RAB6A: variants seen among roughly 807,000 people sequenced by gnomAD.
The protein encoded by RAB6A is RAB6A, member RAS oncogene family.
Under a neutral mutation model 32.3 loss-of-function variants are expected in RAB6A, and 8 were observed. That is an observed-to-expected ratio of 0.25 (90% CI 0.15 to 0.45). RAB6A has a LOEUF of 0.45. Ranked by LOEUF, RAB6A falls within the 20% of genes least tolerant of loss-of-function variation. RAB6A has a pLI of 1.00. For missense variants in RAB6A, 104 were observed against 249.4 expected (o/e 0.42, Z 3.93); for synonymous variants, 73 against 82.1 (o/e 0.89, Z 0.60).
intron 5 of RAB6A, among the ~76,000 whole-genome samples, chr11:73,714,303 T>C (rs1946018677): frequency 6.6e-6 from 1 of 151,148 alleles, no homozygotes. Context: ...AAAATCCTTA[T>C]AAGCATCCTC....
chr11:73,729,427 G>A (rs1946271833), intron 2 of RAB6A: 1 of 152,104 alleles, frequency 6.6e-6, no homozygotes, highest in Non-Finnish European at 1.5e-5. Context: ...ATGGTTGGTG[G>A]TAATATTCCC....
chr11:73,700,608 GT>G (rs1945727643), intron 6 of RAB6A, among the ~76,000 whole-genome samples: 3 of 72,170 alleles, frequency 4.2e-5, no homozygotes, highest in Admixed American at 1.4e-4. Context: ...AAGTGTGTGT[GT>G]GGGGGGGGGG....
chr11:73,725,639 G>A (rs748375884), intron 2 of RAB6A, among the ~76,000 whole-genome samples: 27 of 152,166 alleles, frequency 1.8e-4, no homozygotes, highest in South Asian at 1.0e-3. Flanking sequence ...TCATTACCAC[G>A]AGAACAGTAT....
intron 6 of RAB6A, among the ~76,000 whole-genome samples, chr11:73,705,803 A>AGAGAGAGAGAGAGAGAGAGAGAG (rs1945832018): frequency 6.9e-6 from 1 of 145,288 alleles, no homozygotes; most frequent in African/African-American, 2.5e-5. Flanking sequence ...AGAGAGAGAG[A>AGAGAGAGAGAGAGAGAGAGAGAG]TTTTCAATAT....
At chr11:73,740,008 G>A (rs908914833) in intron 1 of RAB6A, among the ~76,000 whole-genome samples, 3 of 150,972 alleles carry the variant, frequency 2.0e-5, no homozygotes, top group South Asian at 4.2e-4. Context: ...GCAGTGAGCC[G>A]AGACTGCGCC....
At chr11:73,748,200 C>T (rs1946620969) in intron 1 of RAB6A, among the ~76,000 whole-genome samples, 1 of 152,156 alleles carries the variant, frequency 6.6e-6, no homozygotes, top group African/African-American at 2.4e-5. Flanking sequence ...AGAGCTGTCA[C>T]TTCTTTAGAT....
chr11:73,693,159 A>G (rs1230257334), intron 6 of RAB6A, among the ~76,000 whole-genome samples: 6 of 151,820 alleles, frequency 4.0e-5, no homozygotes, highest in Non-Finnish European at 7.4e-5. Flanking sequence ...GTGGTGGCAC[A>G]CGCCTGTAAT....
intron 1 of RAB6A, among the ~76,000 whole-genome samples, chr11:73,747,318 G>A (rs1041151235): frequency 6.6e-6 from 1 of 151,466 alleles, no homozygotes; most frequent in African/African-American, 2.4e-5. Flanking sequence ...CAATTCTCCT[G>A]CCTCAGCCTC....
intron 5 of RAB6A, among the ~76,000 whole-genome samples, chr11:73,713,374 T>C (rs1028556732): frequency 6.6e-6 from 1 of 152,044 alleles, no homozygotes; most frequent in African/African-American, 2.4e-5. Flanking sequence ...ATCAAGACCA[T>C]CCTGGCTAAC....
chr11:73,751,229 T>C (rs1167436197), intron 1 of RAB6A, among the ~76,000 whole-genome samples: 1 of 152,042 alleles, frequency 6.6e-6, no homozygotes, highest in African/African-American at 2.4e-5. Context: ...TAGTACGCTA[T>C]AATCATGCCT....
intron 5 of RAB6A, among the ~76,000 whole-genome samples, chr11:73,708,663 G>C (rs1329858477): frequency 1.3e-5 from 2 of 152,144 alleles, no homozygotes; most frequent in Non-Finnish European, 2.9e-5. Flanking sequence ...TAATGCTTAA[G>C]CTGGCAGATA....
chr11:73,748,998 G>A (rs763598990), intron 1 of RAB6A, among the ~76,000 whole-genome samples: 5 of 151,990 alleles, frequency 3.3e-5, no homozygotes, highest in Admixed American at 6.6e-5. Flanking sequence ...GGCAGCATAC[G>A]CCTGTAATCC....
intron 1 of RAB6A, 91 bp from the exon 2 acceptor site, chr11:73,730,914 A>G: frequency 1.2e-6 from 1 of 854,982 alleles, no homozygotes; most frequent in Non-Finnish European, 1.9e-6. Flanking sequence ...ATTAAAGTCA[A>G]TGGGAAATAC....
intron 1 of RAB6A, 149 bp from the exon 2 acceptor site, chr11:73,730,972 T>G (rs960617233): frequency 6.7e-6 from 4 of 595,106 alleles, no homozygotes; most frequent in Non-Finnish European, 1.2e-5. Context: ...AGCCCCAAGA[T>G]TGTCAAAATG....
At chr11:73,723,099 G>A (rs977842550) in intron 2 of RAB6A, among the ~76,000 whole-genome samples, 2 of 152,086 alleles carry the variant, frequency 1.3e-5, no homozygotes, top group African/African-American at 4.8e-5. Context: ...ATGAGCCAAT[G>A]TGCCCAGCTT....
chr11:73,690,398 A>T (rs955108852), intron 6 of RAB6A, among the ~76,000 whole-genome samples: 1 of 152,130 alleles, frequency 6.6e-6, no homozygotes, highest in African/African-American at 2.4e-5. Context: ...AAATCTTTTT[A>T]AAAAATACAC....
chr11:73,683,251 CTTTTTTTTTTTTT>C (rs34363473), intron 6 of RAB6A, among the ~76,000 whole-genome samples: 3 of 92,574 alleles, frequency 3.2e-5, no homozygotes, highest in Non-Finnish European at 4.4e-5. Flanking sequence ...ATAGACCCAT[CTTTTTTTTTTTTT>C]TTTTTTTTGG....
At chr11:73,739,284 A>AAAAAATATATATATATATAT (rs1208877325) in intron 1 of RAB6A, among the ~76,000 whole-genome samples, 1 of 6,762 alleles carries the variant, frequency 1.5e-4, no homozygotes, top group African/African-American at 3.2e-4. Context: ...AAAAAAAAAA[A>AAAAAATATATATATATATAT]ATATATATAT....
intron 3 of RAB6A, among the ~76,000 whole-genome samples, chr11:73,719,298 T>TA (rs1443056129): frequency 1.3e-5 from 2 of 152,168 alleles, no homozygotes; most frequent in South Asian, 4.1e-4. Context: ...GCTATCAGAG[T>TA]AAAGGAATTA....
Sources: gnomAD v4.1 joint callset for allele counts (sites outside exome capture counted in the v4.1 genomes callset) on GRCh38, gnomAD v4.1.1 for gene constraint, MANE v1.5 for transcripts, NCBI Gene and HGNC (gene_info 2026-07-23, HGNC 2026-07-21) for gene names.